The following GFRA2 variants were observed in gnomAD, a reference collection of about 807,000 sequenced individuals.
GFRA2 encodes GDNF family receptor alpha 2, also known as GDNF family receptor alpha-2.
GFRA2 carries 17 observed loss-of-function variants against 48.3 expected under a neutral mutation model. The observed-to-expected ratio is 0.35, with a 90% CI of 0.24 to 0.53. GFRA2 has a LOEUF of 0.53. GFRA2 is among the 20% of genes least tolerant of loss of function. The probability of loss-of-function intolerance (pLI) is 0.93; values close to 1 mark genes in which losing one functional copy is unlikely to be tolerated. For synonymous variants in GFRA2, 305 were observed against 257.2 expected (o/e 1.19, Z -1.78); for missense variants, 660 against 637.3 (o/e 1.04, Z -0.38).
chr8:21,730,518 C>T (rs1050267512), intron 4 of GFRA2, among the ~76,000 whole-genome samples: 22 of 152,274 alleles, frequency 1.4e-4, no homozygotes, highest in South Asian at 4.1e-4. Context: ...ACAGAGGGAG[C>T]GAAGGTTTGA....
intron 4 of GFRA2, among the ~76,000 whole-genome samples, chr8:21,722,581 C>G (rs1803653115): frequency 1.3e-5 from 2 of 152,172 alleles, no homozygotes; most frequent in African/African-American, 4.8e-5. Context: ...AGAACATGGG[C>G]CCTTGGTCTC....
intron 3 of GFRA2, among the ~76,000 whole-genome samples, chr8:21,759,468 G>GGTAAAGAA (rs1805773998): frequency 1.8e-5 from 2 of 110,906 alleles, no homozygotes; most frequent in Non-Finnish European, 1.8e-5. Context: ...GAGGGAGGGA[G>GGTAAAGAA]GGAGGGAAAG....
At chr8:21,739,769 C>T (rs1382680575) in intron 4 of GFRA2, among the ~76,000 whole-genome samples, 1 of 152,220 alleles carries the variant, frequency 6.6e-6, no homozygotes, top group Admixed American at 6.5e-5. Context: ...CCAGGGGCAC[C>T]TCTCCAACAG....
At chr8:21,787,437 G>A (rs1356621301) in intron 1 of GFRA2, among the ~76,000 whole-genome samples, 1 of 152,208 alleles carries the variant, frequency 6.6e-6, no homozygotes, top group Admixed American at 6.5e-5. Flanking sequence ...GGGAAGGCCG[G>A]GAACGGCTGC....
Position 21,750,457 on chromosome 8 carries a change from C to G in GFRA2, c.794+131G>C. ...TGCACATGTCCAAGTCAGTTTTACC[C>G]TTTTTGACACCCTTTCTGCTGGACT... On this transcript the variant is annotated intron_variant, in intron 4 of 8. Coordinates refer to ENST00000524240, the MANE Select transcript of GFRA2 (RefSeq NM_001495.5). The surrounding 1 kb of genome is among the most constrained non-coding windows in gnomAD (Gnocchi z 5.7). 1 of 607,230 alleles carries G rather than the reference C, an allele frequency of 1.6e-6. No individual in the cohort carries two copies. The highest frequency in any genetic ancestry group is 2.9e-6 in the Non-Finnish European group (1 of 342,388). The allele number at this position is 607,230 out of a possible 1,614,324, so 37.6% of individuals were successfully genotyped here.
intron 3 of GFRA2, among the ~76,000 whole-genome samples, chr8:21,759,706 G>A (rs1805801924): frequency 6.6e-6 from 1 of 151,816 alleles, no homozygotes; most frequent in Non-Finnish European, 1.5e-5. Context: ...CTGGCCAACA[G>A]AGTGAAACCC....
upstream of GFRA2, among the ~76,000 whole-genome samples, chr8:21,793,797 A>G (rs1310332881): frequency 6.6e-6 from 1 of 151,952 alleles, no homozygotes; most frequent in Non-Finnish European, 1.5e-5. Context: ...TCCCCTTCAC[A>G]ACACCTAAGA....
intron 3 of GFRA2, among the ~76,000 whole-genome samples, chr8:21,763,998 CACACACACACA>C (rs1563254977): frequency 1.4e-4 from 18 of 128,890 alleles, no homozygotes; most frequent in Admixed American, 5.3e-4. Context: ...CACACACACA[CACACACACACA>C]CCAGCTGACT....
chr8:21,740,858 C>A lies in GFRA2; in HGVS notation c.794+9730G>T, dbSNP rs149195277. Among the ~76,000 whole-genome samples, 622 of 152,330 alleles carry A rather than the reference C, an allele frequency of 4.1e-3. 1 individual carries two copies. The highest frequency in any genetic ancestry group is 0.014 in the African/African-American group (598 of 41,572). Reference sequence around the variant, plus strand: ...CCACCAAGCTGCTCAAGCCAGAAGCCGGTGAGTCATCCTTGAGCTCCTCCA... The same window carrying A: ...CCACCAAGCTGCTCAAGCCAGAAGCAGGTGAGTCATCCTTGAGCTCCTCCA... On this transcript the variant is annotated intron_variant, in intron 4 of 8. Coordinates refer to ENST00000524240, the MANE Select transcript of GFRA2 (RefSeq NM_001495.5).
intron 4 of GFRA2, among the ~76,000 whole-genome samples, chr8:21,744,663 T>C (rs987592822): frequency 3.3e-5 from 5 of 151,980 alleles, no homozygotes; most frequent in Non-Finnish European, 7.4e-5. Context: ...AATGTAGATC[T>C]TGGCCCACTG....
rs113882195 is a variant in GFRA2, at chr8:21,806,209, G to C, written c.-147-1081C>G. ...CTACGGAGGGTCTCAAACTTCTGAT[G>C]GTTCAACTTTCGATTTTTCAACTTT... On this transcript the variant is annotated intron_variant, in intron 1 of 10. Transcript: ENST00000517328. Among the ~76,000 whole-genome samples the C allele has an allele frequency of 3.6e-3, 546 of 152,208 alleles. 4 individuals carry two copies. The highest frequency in any genetic ancestry group is 0.013 in the African/African-American group (522 of 41,528).
chr8:21,766,333 G>A (rs1219028208), intron 3 of GFRA2, among the ~76,000 whole-genome samples: 2 of 151,886 alleles, frequency 1.3e-5, no homozygotes, highest in African/African-American at 4.8e-5. Flanking sequence ...TTGTTGGCTT[G>A]TTTTCTATTT....
intron 7 of GFRA2, among the ~76,000 whole-genome samples, chr8:21,697,565 G>A (rs1414555810): frequency 2.6e-5 from 4 of 152,110 alleles, no homozygotes; most frequent in Non-Finnish European, 4.4e-5. Flanking sequence ...GACCACCTCT[G>A]ATGCCAAAAC....
At chr8:21,784,256 C>T (rs1782762953) in intron 1 of GFRA2, 1 of 455,926 alleles carries the variant, frequency 2.2e-6, no homozygotes, top group Non-Finnish European at 4.4e-6. Context: ...TCCCAGTCCC[C>T]CTGTCCTCTG....
intron 4 of GFRA2, among the ~76,000 whole-genome samples, chr8:21,711,769 G>C (rs1312454847): frequency 6.6e-6 from 1 of 150,484 alleles, no homozygotes; most frequent in African/African-American, 2.5e-5. Flanking sequence ...GTGGAGGAAA[G>C]GTCAGCAGAT....
chr8:21,754,958 T>C (rs1365311801), intron 3 of GFRA2, among the ~76,000 whole-genome samples: 11 of 152,098 alleles, frequency 7.2e-5, no homozygotes, highest in African/African-American at 2.7e-4. Flanking sequence ...GGAGAAAACC[T>C]ACATGAAAGG....
At chr8:21,700,222 G>A (rs1339270686) in intron 7 of GFRA2, among the ~76,000 whole-genome samples, 4 of 152,118 alleles carry the variant, frequency 2.6e-5, no homozygotes, top group African/African-American at 4.8e-5. Context: ...TGGAGAGAAG[G>A]GCAAGGGAAT....
intron 4 of GFRA2, among the ~76,000 whole-genome samples, chr8:21,707,657 C>G (rs148148856): frequency 0.012 from 1,787 of 152,288 alleles, 13 homozygotes; most frequent in Non-Finnish European, 0.017. Context: ...AGACCATGCC[C>G]AAGTTCCCTG....
intron 2 of GFRA2, among the ~76,000 whole-genome samples, chr8:21,775,974 C>T (rs1211808118): frequency 6.8e-6 from 1 of 148,000 alleles, no homozygotes; most frequent in Non-Finnish European, 1.5e-5. Flanking sequence ...AAATTGATGG[C>T]TCACCACTCA....
Sources: gnomAD v4.1 joint callset for allele counts (sites outside exome capture counted in the v4.1 genomes callset) on GRCh38, gnomAD v4.1.1 for gene constraint, Gnocchi (gnomAD v3.1) non-coding constraint, MANE v1.5 for transcripts, NCBI Gene and HGNC (gene_info 2026-07-23, HGNC 2026-07-21) for gene names.